ELMO1: variants seen among roughly 807,000 people sequenced by gnomAD.
ELMO1 encodes the protein engulfment and cell motility 1.
In ELMO1, 26 loss-of-function variants were observed where a neutral mutation model predicts 98.9. The observed-to-expected ratio is 0.26, with a 90% CI of 0.19 to 0.36. ELMO1 has a LOEUF of 0.36. Among genes scored for constraint, ELMO1 ranks in the 10% least tolerant of loss-of-function variants. ELMO1 has a pLI of 1.00. For missense variants in ELMO1, 627 were observed against 935.2 expected (o/e 0.67, Z 4.30); for synonymous variants, 346 against 346.0 (o/e 1.00, Z 0.00).
At chr7:37,034,427 C>A (rs1795063759) in intron 15 of ELMO1, among the ~76,000 whole-genome samples, 1 of 152,014 alleles carries the variant, frequency 6.6e-6, no homozygotes. Context: ...TTGTTTAAAC[C>A]ACTCAGTCTG....
intron 4 of ELMO1, among the ~76,000 whole-genome samples, chr7:37,300,828 G>A (rs1217645763): frequency 1.3e-5 from 2 of 151,702 alleles, no homozygotes; most frequent in Admixed American, 6.6e-5. Context: ...GATTGGAATA[G>A]TTTCAGAAGG....
chr7:37,426,788 C>T (rs952908502), intron 1 of ELMO1, among the ~76,000 whole-genome samples: 4 of 152,132 alleles, frequency 2.6e-5, no homozygotes, highest in Admixed American at 6.5e-5. Context: ...ATTTCTCTTA[C>T]AATTATTGCA....
At chr7:37,050,609 A>AACACACAC (rs60918785) in intron 15 of ELMO1, among the ~76,000 whole-genome samples, 1,362 of 129,558 alleles carry the variant, frequency 0.011, 9 homozygotes, top group Admixed American at 0.019. Context: ...AGGTGCTCTG[A>AACACACAC]ACACACACAC....
At chr7:37,278,630 T>A (rs1469582140) in intron 4 of ELMO1, among the ~76,000 whole-genome samples, 1 of 152,214 alleles carries the variant, frequency 6.6e-6, no homozygotes, top group Non-Finnish European at 1.5e-5. Context: ...GCCCACCCTG[T>A]GGATTTAGGG....
intron 13 of ELMO1, among the ~76,000 whole-genome samples, chr7:37,170,729 C>T (rs953838126): frequency 1.3e-5 from 2 of 151,704 alleles, no homozygotes; most frequent in Admixed American, 6.6e-5. Context: ...GCCTCAGCCT[C>T]GCAAGTAGCT....
chr7:37,053,402 T>C (rs1166613108), intron 15 of ELMO1, among the ~76,000 whole-genome samples: 1 of 152,138 alleles, frequency 6.6e-6, no homozygotes, highest in African/African-American at 2.4e-5. Context: ...TGATTTATCT[T>C]CTAGAGTTAT....
At chr7:37,135,065 A>G (rs1398239336) in intron 13 of ELMO1, among the ~76,000 whole-genome samples, 4 of 152,226 alleles carry the variant, frequency 2.6e-5, no homozygotes, top group Admixed American at 6.5e-5. Flanking sequence ...CAAATAAAAA[A>G]TAGTTACAAA....
At chr7:37,219,461 C>T (rs971187831) in intron 10 of ELMO1, among the ~76,000 whole-genome samples, 1 of 152,114 alleles carries the variant, frequency 6.6e-6, no homozygotes, top group South Asian at 2.1e-4. Context: ...CCAAACAAAG[C>T]AATGGTTCTA....
intron 2 of ELMO1, among the ~76,000 whole-genome samples, chr7:37,336,403 G>A (rs1160626641): frequency 6.6e-6 from 1 of 152,194 alleles, no homozygotes; most frequent in African/African-American, 2.4e-5. Context: ...CCACCCAACA[G>A]AGAAATGAAA....
chr7:37,380,533 T>C (rs1802539676), intron 1 of ELMO1, among the ~76,000 whole-genome samples: 1 of 152,218 alleles, frequency 6.6e-6, no homozygotes, highest in Admixed American at 6.5e-5. Flanking sequence ...TGACTGATAA[T>C]GTCTCAATGT....
intron 16 of ELMO1, among the ~76,000 whole-genome samples, chr7:36,973,086 C>T (rs1411272812): frequency 6.6e-6 from 1 of 152,174 alleles, no homozygotes; most frequent in African/African-American, 2.4e-5. Context: ...CAGGCCAGGA[C>T]TCTGGTATAT....
At chr7:37,283,724 T>C (rs1406290588) in intron 4 of ELMO1, among the ~76,000 whole-genome samples, 2 of 152,238 alleles carry the variant, frequency 1.3e-5, no homozygotes. Context: ...CTGCTCTCCC[T>C]ACCAGGGACT....
intron 5 of ELMO1, among the ~76,000 whole-genome samples, chr7:37,266,395 G>A (rs1796243306): frequency 6.6e-6 from 1 of 152,088 alleles, no homozygotes; most frequent in African/African-American, 2.4e-5. Context: ...CAGGCCCTCT[G>A]ACCTAAATAA....
intron 15 of ELMO1, among the ~76,000 whole-genome samples, chr7:37,072,246 C>T (rs537192545): frequency 2.0e-4 from 30 of 152,166 alleles, no homozygotes; most frequent in Non-Finnish European, 4.3e-4. Flanking sequence ...TTGTAACCCC[C>T]ACAATTCCCG....
chr7:37,325,366 T>C (rs1193584587), intron 2 of ELMO1, among the ~76,000 whole-genome samples: 1 of 152,212 alleles, frequency 6.6e-6, no homozygotes, highest in Non-Finnish European at 1.5e-5. Flanking sequence ...TGAACATTGA[T>C]TAAAAACCTA....
intron 4 of ELMO1, among the ~76,000 whole-genome samples, chr7:37,273,562 G>GT (rs1403279996): frequency 6.6e-6 from 1 of 152,184 alleles, no homozygotes; most frequent in East Asian, 1.9e-4. Flanking sequence ...TTATAGCAGT[G>GT]TAAGAACAGA....
chr7:37,037,896 T>C (rs1584548287), intron 15 of ELMO1, among the ~76,000 whole-genome samples: 1 of 152,244 alleles, frequency 6.6e-6, no homozygotes, highest in African/African-American at 2.4e-5. Flanking sequence ...AAAAGAACTA[T>C]GGAAGTTATG....
chr7:37,064,149 G>A (rs1796822395), intron 15 of ELMO1, among the ~76,000 whole-genome samples: 1 of 152,104 alleles, frequency 6.6e-6, no homozygotes, highest in African/African-American at 2.4e-5. Context: ...ACCATCACCT[G>A]GGCCCTTGAC....
chr7:37,113,755 G>C (rs561381626), intron 14 of ELMO1, among the ~76,000 whole-genome samples: 15 of 152,300 alleles, frequency 9.8e-5, no homozygotes, highest in Admixed American at 6.5e-5. Context: ...AGGCCATTAG[G>C]GTAGGGTCCG....
Sources: gnomAD v4.1 joint callset for allele counts (sites outside exome capture counted in the v4.1 genomes callset) on GRCh38, gnomAD v4.1.1 for gene constraint, MANE v1.5 for transcripts, NCBI Gene and HGNC (gene_info 2026-07-23, HGNC 2026-07-21) for gene names.